PLEKHG5: variants seen among roughly 807,000 people sequenced by gnomAD.
PLEKHG5 encodes the protein pleckstrin homology and RhoGEF domain containing G5, also known as pleckstrin homology domain-containing family G member 5.
PLEKHG5 carries 52 observed loss-of-function variants against 103.8 expected under a neutral mutation model. The observed-to-expected ratio is 0.50, with a 90% confidence interval of 0.40 to 0.63. PLEKHG5 has a LOEUF of 0.63. PLEKHG5 is among the 30% of genes least tolerant of loss of function. PLEKHG5 has a pLI of 0.00. For synonymous variants in PLEKHG5, 592 were observed against 575.5 expected, an observed-to-expected ratio of 1.03 and a Z score of -0.41; for missense variants, 1,205 against 1,347.6, an observed-to-expected ratio of 0.89 and a Z score of 1.66.
chr1:6,476,096 C>G, intron 2 of PLEKHG5, 60 bp from the exon 3 acceptor site: 3 of 1,457,414 alleles, frequency 2.1e-6, no homozygotes, highest in Non-Finnish European at 2.9e-6. Context: ...TGCAGCATGG[C>G]TGCCTCCAGA....
chr1:6,485,259 G>C lies in PLEKHG5; in HGVS notation c.-88+6378C>G. ...ACCCCCTCCCTGGCCTCCCGCACAGGACTGGGCGGCTGCAGGCGAGAACTG... is the reference window on the plus strand; with the variant it reads ...ACCCCCTCCCTGGCCTCCCGCACAGCACTGGGCGGCTGCAGGCGAGAACTG... On this transcript the variant is annotated intron_variant, in intron 1 of 20. Coordinates refer to ENST00000377728, the MANE Select transcript of PLEKHG5 (RefSeq NM_020631.6). 5 of 1,114,258 alleles carry C rather than the reference G, an allele frequency of 4.5e-6. No individual in the cohort carries two copies. In the South Asian group the frequency reaches 1.2e-4, roughly 26 times the overall value. 69.0% of individuals were successfully genotyped at this position (1,114,258 alleles called of 1,614,324 possible).
upstream of PLEKHG5, among the ~76,000 whole-genome samples, chr1:6,494,413 G>A (rs895021437): frequency 6.6e-6 from 1 of 151,910 alleles, no homozygotes. Context: ...TTACAGGTGT[G>A]AGCCACCACG....
Position 6,469,208 on chromosome 1 carries a change from G to A in PLEKHG5, c.2083C>T (p.Pro695Ser), listed in dbSNP as rs777266056. The change falls in exon 19 of 21, where the codon CCA becomes TCA. Residue 695 changes from proline to serine, a missense_variant. Physicochemically the swap from Pro to Ser is moderately conservative, Grantham distance 74. Transcript: ENST00000377728. ...CTCTGCAGGGGCTGCTGACTGCCTGGGGGCTCCTGTGCACGCAGCTGTTGC... is the reference window on the plus strand; with the variant it reads ...CTCTGCAGGGGCTGCTGACTGCCTGAGGGCTCCTGTGCACGCAGCTGTTGC... ...QLQQLRAQEP[P>S]GSQQPLQSLE... 4 of 1,612,928 alleles carry A rather than the reference G, an allele frequency of 2.5e-6. No homozygotes were observed. The South Asian group carries it at 4.4e-5, about 18-fold the overall frequency.
Position 6,475,347 on chromosome 1 carries a change from C to T in PLEKHG5, c.210+115G>A, listed in dbSNP as rs1209012666. ...AAGGGAACCCCAGCGATCTCCCAGA[C>T]CTCTGCACCCTGGGATGCAGACCTC... On this transcript the variant is annotated intron_variant, in intron 4 of 20. Coordinates refer to ENST00000377728, the MANE Select transcript of PLEKHG5 (RefSeq NM_020631.6). 5.4e-6 allele frequency: 5 copies of T among 920,404 alleles called. No homozygotes were observed. The East Asian group carries it at 1.2e-4, about 22-fold the overall frequency. The allele number at this position is 920,404 out of a possible 1,614,324, so 57.0% of individuals were successfully genotyped here.
intron 1 of PLEKHG5, among the ~76,000 whole-genome samples, chr1:6,506,815 G>A (rs898485075): frequency 1.3e-5 from 2 of 152,182 alleles, no homozygotes; most frequent in African/African-American, 4.8e-5. Context: ...TGAGGTCTGG[G>A]CTCTGCTCTC....
intron 13 of PLEKHG5, 49 bp from the exon 14 acceptor site, chr1:6,470,933 G>A (rs1182820073): frequency 9.1e-7 from 1 of 1,097,476 alleles, no homozygotes; most frequent in African/African-American, 1.6e-5. Flanking sequence ...CGCCCCACCC[G>A]GCCCCGTCCA....
chr1:6,479,962 C>T (rs1188029395), intron 1 of PLEKHG5, among the ~76,000 whole-genome samples: 1 of 152,118 alleles, frequency 6.6e-6, no homozygotes, highest in East Asian at 1.9e-4. Context: ...CAGAGCTCCT[C>T]AATGTGGATC....
intron 1 of PLEKHG5, among the ~76,000 whole-genome samples, chr1:6,507,609 C>T (rs1466419554): frequency 6.6e-6 from 1 of 152,142 alleles, no homozygotes; most frequent in Admixed American, 6.5e-5. Flanking sequence ...CAGCAGAAGG[C>T]TCTGTTTCCG....
upstream of PLEKHG5, among the ~76,000 whole-genome samples, chr1:6,501,484 C>T (rs1250916469): frequency 1.3e-5 from 2 of 152,184 alleles, no homozygotes; most frequent in African/African-American, 4.8e-5. The surrounding 1 kb of genome is among the most constrained non-coding windows in gnomAD (Gnocchi z 4.3). Flanking sequence ...ACCTGTCTTC[C>T]CCATCAGACG....
chr1:6,485,685 C>T (rs1314527304), intron 1 of PLEKHG5, among the ~76,000 whole-genome samples: 2 of 142,930 alleles, frequency 1.4e-5, no homozygotes, highest in African/African-American at 5.2e-5. Flanking sequence ...CCTCCGCCTG[C>T]CCGGGCGACC....
intron 16 of PLEKHG5, 141 bp downstream of exon 16, chr1:6,470,095 C>T: frequency 1.0e-6 from 1 of 958,886 alleles, no homozygotes; most frequent in Non-Finnish European, 1.6e-6. Context: ...GAATGGCAGG[C>T]AGAGAACTGT....
chr1:6,504,315 C>A (rs1294714531), intron 1 of PLEKHG5, among the ~76,000 whole-genome samples: 1 of 152,198 alleles, frequency 6.6e-6, no homozygotes, highest in Admixed American at 6.5e-5. Context: ...CTGCCTCCCG[C>A]ATCCCCACTG....
chr1:6,516,866 GTATATATA>G lies in PLEKHG5; in HGVS notation c.-165+2571_-165+2578del, dbSNP rs1181957258. Among the ~76,000 whole-genome samples, 5 of 25,878 alleles carry G rather than the reference GTATATATA, an allele frequency of 1.9e-4. No individual in the cohort carries two copies. The East Asian group carries it at 5.2e-3, about 27-fold the overall frequency. 17.0% of individuals were successfully genotyped at this position (25,878 alleles called of 152,430 possible). A position where few individuals can be genotyped will look rare whatever the true frequency, so the allele number is the denominator to read the frequency against. The stretch of plus-strand genomic sequence containing the variant: ...TATATATATGTGTGTGTATATATGT[GTATATATA>G]TATATATATATACACATATATATAT... On this transcript the variant is annotated intron_variant, in intron 1 of 21. Coordinates refer to the PLEKHG5 transcript ENST00000377740.
At chr1:6,503,314 G>A (rs1400246049) in intron 1 of PLEKHG5, among the ~76,000 whole-genome samples, 2 of 152,120 alleles carry the variant, frequency 1.3e-5, no homozygotes, top group Non-Finnish European at 2.9e-5. Context: ...CTGCTTGGGA[G>A]GCTGAGGCAG....
rs775979814 is a variant in PLEKHG5 at position 6,477,580 on chromosome 1, G to A, written c.-9C>T. ...TGCCCATCATAATGCATGGTGCTGTGGAACTTGCTGTCACAGGCCTCGCAG... is the reference window on the plus strand; with the variant it reads ...TGCCCATCATAATGCATGGTGCTGTAGAACTTGCTGTCACAGGCCTCGCAG... On this transcript the variant is annotated 5_prime_UTR_variant, in exon 2 of 21. Transcript: ENST00000377728. 1 of 1,612,368 alleles carries A rather than the reference G, an allele frequency of 6.2e-7. No homozygotes were observed. Among genetic ancestry groups the A allele is most frequent in the South Asian group, 1.1e-5 (1 of 91,078 alleles).
intron 1 of PLEKHG5, among the ~76,000 whole-genome samples, chr1:6,481,248 G>A (rs1209817197): frequency 2.0e-5 from 3 of 152,076 alleles, no homozygotes; most frequent in Non-Finnish European, 4.4e-5. Flanking sequence ...AAAGCCAAAA[G>A]GGGCCAGGAG....
intron 1 of PLEKHG5, among the ~76,000 whole-genome samples, chr1:6,516,330 T>G (rs1360809865): frequency 6.6e-6 from 1 of 152,186 alleles, no homozygotes; most frequent in Non-Finnish European, 1.5e-5. Flanking sequence ...GTTTAAAATT[T>G]CAGGCATATC....
Position 6,467,200 on chromosome 1 carries a change from G to A in PLEKHG5, c.*363C>T. The stretch of plus-strand genomic sequence containing the variant: ...TTCACAGAACCCAGCCCAAGCCAGG[G>A]GTGGCCTGTGGGACTGGGAAGGTGG... On this transcript the variant is annotated 3_prime_UTR_variant, in exon 21 of 21. Coordinates refer to ENST00000377728, the MANE Select transcript of PLEKHG5 (RefSeq NM_020631.6). 3 of 475,338 alleles carry A rather than the reference G, an allele frequency of 6.3e-6. No individual in the cohort carries two copies. Among genetic ancestry groups the A allele is most frequent in the Non-Finnish European group, 1.2e-5 (3 of 257,110 alleles). The allele number at this position is 475,338 out of a possible 1,614,324, so 29.4% of individuals were successfully genotyped here. A position where few individuals can be genotyped will look rare whatever the true frequency, so the allele number is the denominator to read the frequency against.
At chr1:6,472,672 G>A in intron 9 of PLEKHG5, 50 bp from the exon 10 acceptor site, 1 of 1,403,604 alleles carries the variant, frequency 7.1e-7, no homozygotes. Flanking sequence ...GCACCTTAGG[G>A]TGGCCGGGGA....
Sources: allele counts gnomAD v4.1 joint callset (sites outside exome capture counted in the v4.1 genomes callset), GRCh38; gene constraint gnomAD v4.1.1; non-coding constraint Gnocchi (gnomAD v3.1); transcripts MANE v1.5; gene names NCBI Gene and HGNC (gene_info 2026-07-23, HGNC 2026-07-21).